Variants in CNTN5 observed in about 807,000 individuals in gnomAD.
CNTN5 encodes the protein contactin 5.
Under a neutral mutation model 129.1 loss-of-function variants are expected in CNTN5, and 77 were observed. The ratio of observed to expected loss-of-function variants is 0.60; its 90% CI spans 0.50 to 0.72. The LOEUF (loss-of-function observed/expected upper bound fraction) is 0.72. Ranked by LOEUF, CNTN5 falls within the 30% of genes least tolerant of loss-of-function variation. The probability of loss-of-function intolerance (pLI) is 0.00; values close to 1 mark genes in which losing one functional copy is unlikely to be tolerated. For missense variants in CNTN5, 1,478 were observed against 1,328.8 expected (o/e 1.11, Z -1.75); for synonymous variants, 509 against 465.6 (o/e 1.09, Z -1.20).
intron 2 of CNTN5, among the ~76,000 whole-genome samples, chr11:99,406,838 A>G (rs4608049): frequency 0.75 from 113,371 of 152,064 alleles, 43,122 homozygotes; most frequent in African/African-American, 0.9. Context: ...CCACTGCCAC[A>G]TCAGACTCAT....
chr11:100,159,202 T>TG (rs1947356666), intron 13 of CNTN5, among the ~76,000 whole-genome samples: 1 of 151,308 alleles, frequency 6.6e-6, no homozygotes, highest in African/African-American at 2.4e-5. Flanking sequence ...ATTTGTCTTG[T>TG]GAAAAAAAAA....
chr11:99,414,224 A>T (rs1942534705), intron 2 of CNTN5, among the ~76,000 whole-genome samples: 1 of 152,176 alleles, frequency 6.6e-6, no homozygotes, highest in South Asian at 2.1e-4. Flanking sequence ...AATAACAAAA[A>T]TATACATTTC....
intron 2 of CNTN5, among the ~76,000 whole-genome samples, chr11:99,464,686 G>T (rs1254184459): frequency 6.6e-6 from 1 of 152,094 alleles, no homozygotes; most frequent in African/African-American, 2.4e-5. Flanking sequence ...AGATTCAATT[G>T]GTTGAAGTTG....
At chr11:99,370,186 G>C (rs1484791064) in intron 2 of CNTN5, among the ~76,000 whole-genome samples, 1 of 152,162 alleles carries the variant, frequency 6.6e-6, no homozygotes, top group East Asian at 1.9e-4. Flanking sequence ...GGAAAGCTTA[G>C]CTCTGTCATA....
At chr11:99,287,540 G>A (rs151142471) in intron 1 of CNTN5, among the ~76,000 whole-genome samples, 68 of 152,132 alleles carry the variant, frequency 4.5e-4, no homozygotes, top group South Asian at 2.5e-3. Context: ...AAATTATACT[G>A]TCCCAATAAT....
At chr11:99,120,333 A>G (rs373305485) in intron 1 of CNTN5, 1 of 152,152 alleles carries the variant, frequency 6.6e-6, no homozygotes, top group Non-Finnish European at 1.5e-5. Flanking sequence ...TTGGTTGAAG[A>G]GAACAGCCAT....
chr11:99,171,862 T>C (rs1195655508), intron 1 of CNTN5, among the ~76,000 whole-genome samples: 2 of 152,254 alleles, frequency 1.3e-5, no homozygotes, highest in South Asian at 2.1e-4. Context: ...TTCAGAATAC[T>C]TTGAGGATTT....
In CNTN5 at chr11:99,775,005, C is replaced by G. The variant is rs140586849; in HGVS notation, c.56-44539C>G. On this transcript the variant is annotated intron_variant, in intron 3 of 24. Transcript: ENST00000524871. ...TTTGGTTTGGTTCAGGTCTGTGGAC[C>G]TGAATAAATTGACCATGCTTTGGCA... is the stretch of plus-strand genomic sequence containing the variant. Among the ~76,000 whole-genome samples, 200 of 152,032 alleles carry G rather than the reference C, an allele frequency of 1.3e-3. 2 individuals are homozygous for G. The highest frequency in any genetic ancestry group is 7.2e-3 in the East Asian group (37 of 5,154).
intron 1 of CNTN5, among the ~76,000 whole-genome samples, chr11:99,233,057 T>A (rs1027253130): frequency 6.6e-6 from 1 of 152,230 alleles, no homozygotes; most frequent in Non-Finnish European, 1.5e-5. Context: ...TGAAGAATCA[T>A]CTTCAAGTCA....
intron 1 of CNTN5, among the ~76,000 whole-genome samples, chr11:99,168,235 C>A (rs992305910): frequency 6.6e-6 from 1 of 152,118 alleles, no homozygotes; most frequent in Non-Finnish European, 1.5e-5. Context: ...TGAGTCACCA[C>A]ACCTGACCAT....
intron 7 of CNTN5, among the ~76,000 whole-genome samples, chr11:99,943,817 C>T (rs774586028): frequency 1.3e-5 from 2 of 152,056 alleles, no homozygotes; most frequent in Non-Finnish European, 2.9e-5. Flanking sequence ...TTGTTTTCGT[C>T]AGGTTTGTCA....
intron 8 of CNTN5, among the ~76,000 whole-genome samples, chr11:99,959,465 C>G (rs1455737702): frequency 2.6e-5 from 4 of 152,200 alleles, no homozygotes; most frequent in Non-Finnish European, 4.4e-5. Flanking sequence ...AGATAGTATA[C>G]TGTCCATCCT....
At chr11:99,466,852 A>G (rs1484101760) in intron 2 of CNTN5, among the ~76,000 whole-genome samples, 1 of 152,104 alleles carries the variant, frequency 6.6e-6, no homozygotes, top group Admixed American at 6.6e-5. Flanking sequence ...CGGATTTCAT[A>G]TTTAGACAGA....
rs185842743 is a variant in CNTN5 at position 100,293,065 on chromosome 11, T to C, written c.2315-4560T>C. Among the ~76,000 whole-genome samples, 3 of 152,028 alleles carry C rather than the reference T, an allele frequency of 2.0e-5. No homozygotes were observed. In the East Asian group the frequency reaches 5.8e-4, roughly 29 times the overall value. On this transcript the variant is annotated intron_variant, in intron 18 of 24. Transcript: ENST00000524871. ...TATAAGATGGGCTGGATTAGTTTTA[T>C]CTGGGGGTATGTGAATAGGCTTTGT...
chr11:99,305,857 T>G (rs1300925478), intron 1 of CNTN5, among the ~76,000 whole-genome samples: 1 of 151,850 alleles, frequency 6.6e-6, no homozygotes, highest in Non-Finnish European at 1.5e-5. Context: ...GGGAGGCACC[T>G]GTAGTCCCAG....
At chr11:99,581,577 C>T (rs190113123) in intron 3 of CNTN5, among the ~76,000 whole-genome samples, 3 of 151,978 alleles carry the variant, frequency 2.0e-5, no homozygotes, top group Admixed American at 6.5e-5. Context: ...ATCCCTTTAC[C>T]GTTATGTAAT....
chr11:99,076,451 T>TAC (rs1191927827), intron 1 of CNTN5, among the ~76,000 whole-genome samples: 1 of 151,702 alleles, frequency 6.6e-6, no homozygotes. Flanking sequence ...AAACCACAAA[T>TAC]ACACACACAC....
At chr11:99,421,730 A>G (rs1199018811) in intron 2 of CNTN5, among the ~76,000 whole-genome samples, 1 of 152,058 alleles carries the variant, frequency 6.6e-6, no homozygotes, top group Non-Finnish European at 1.5e-5. Context: ...AGTCCAGTTA[A>G]GTTAGATCAG....
In CNTN5 at chr11:100,284,928, G is replaced by A. The variant is rs554922319; in HGVS notation, c.2315-12697G>A. 1.2e-4 allele frequency among the ~76,000 whole-genome samples: 19 copies of A among 152,246 alleles called. 1 individual carries two copies. In the South Asian group the frequency reaches 2.1e-3, roughly 17 times the overall value. ...GGTTGGAGTTTCAACCTGGATTAAC[G>A]TTCTACTGTGCCACTTAATAGCAGG... On this transcript the variant is annotated intron_variant, in intron 18 of 24. Transcript: ENST00000524871.
Sources: gnomAD v4.1 joint callset for allele counts (sites outside exome capture counted in the v4.1 genomes callset) on GRCh38, gnomAD v4.1.1 for gene constraint, MANE v1.5 for transcripts, NCBI Gene and HGNC (gene_info 2026-07-23, HGNC 2026-07-21) for gene names.